Variants in CPB1 observed in about 807,000 individuals in gnomAD.
CPB1 encodes the protein carboxypeptidase B1, also known as carboxypeptidase B.
A neutral mutation model predicts 51.4 loss-of-function variants in CPB1; 53 were observed. The ratio of observed to expected loss-of-function variants is 1.03; its 90% CI spans 0.83 to 1.30. CPB1 has a LOEUF of 1.30. CPB1 is among the 50% of genes most tolerant of loss of function. The probability of loss-of-function intolerance (pLI) is 0.00; values close to 1 mark genes in which losing one functional copy is unlikely to be tolerated. For missense variants in CPB1, 494 were observed against 516.2 expected, an observed-to-expected ratio of 0.96 and a Z score of 0.42; for synonymous variants, 189 against 186.9, an observed-to-expected ratio of 1.01 and a Z score of -0.09.
At chr3:148,845,794 A>G (rs995767763) in intron 9 of CPB1, among the ~76,000 whole-genome samples, 168 bp downstream of exon 9, 2 of 152,186 alleles carry the variant, frequency 1.3e-5, no homozygotes, top group Non-Finnish European at 2.9e-5. Flanking sequence ...GGAGTTGGCT[A>G]AAAGAAATAC....
rs139634807 is a variant in CPB1, at chr3:148,832,520, G to A, written c.148-1978G>A. ...GGGAGCCCTGGTGAAGAAGTGGGGA[G>A]TGCTAAATAGAAGTAAAGGCAGCCA... On this transcript the variant is annotated intron_variant, in intron 2 of 10. Coordinates refer to ENST00000282957, the MANE Select transcript of CPB1 (RefSeq NM_001871.3). Among the ~76,000 whole-genome samples, 306 of 152,282 alleles carry A rather than the reference G, an allele frequency of 2.0e-3. 1 individual carries two copies. Among genetic ancestry groups the A allele is most frequent in the African/African-American group, 7.1e-3 (293 of 41,552 alleles).
At chr3:148,848,262 G>A (rs961119794) in intron 9 of CPB1, among the ~76,000 whole-genome samples, 1 of 152,056 alleles carries the variant, frequency 6.6e-6, no homozygotes, top group Non-Finnish European at 1.5e-5. Context: ...TTACAATGAG[G>A]ATTTCAAGGG....
Position 148,834,989 on chromosome 3 carries a change from G to C in CPB1, c.272+367G>C, listed in dbSNP as rs149467963. 4.8e-3 allele frequency among the ~76,000 whole-genome samples: 730 copies of C among 152,254 alleles called. 6 individuals carry two copies. The highest frequency in any genetic ancestry group is 0.017 in the African/African-American group (687 of 41,540). On this transcript the variant is annotated intron_variant, in intron 3 of 10. Coordinates refer to ENST00000282957, the MANE Select transcript of CPB1 (RefSeq NM_001871.3). ...ATCAGCTCTTCTTTCCAGGGGATCA[G>C]CGAGACCTATTGTGAGTTATGAGGG...
rs1712617027 is a variant in CPB1, at chr3:148,827,867, C to T, written c.44C>T (p.Ala15Val). Residue 15 changes from alanine to valine, a missense_variant, in exon 1 of 11, where the codon GCT becomes GTT. Ala to Val is a moderately conservative substitution (Grantham distance 64). Transcript: ENST00000282957. ...LVLVTVALAS[A>V]HHGGEHFEGE... ...CTGGTGACTGTGGCCCTGGCATCTG[C>T]TCATCATGGTGGTGAGCACTTTGAA... The T allele has an allele frequency of 1.9e-6, 3 of 1,614,158 alleles. No individual in the cohort carries two copies. The highest frequency in any genetic ancestry group is 2.5e-6 in the Non-Finnish European group (3 of 1,180,028).
At chr3:148,845,158 C>T (rs1022740447) in intron 8 of CPB1, among the ~76,000 whole-genome samples, 1 of 152,074 alleles carries the variant, frequency 6.6e-6, no homozygotes, top group South Asian at 2.1e-4. Flanking sequence ...TTTTCTTGCA[C>T]TATATTGATA....
chr3:148,834,378 C>T (rs1712829241), intron 2 of CPB1, 120 bp from the exon 3 acceptor site: 1 of 985,786 alleles, frequency 1.0e-6, no homozygotes, highest in Non-Finnish European at 1.6e-6. Flanking sequence ...ATATTTTCAA[C>T]AGATTTCATG....
At position 148,850,589 on chromosome 3, in the gene CPB1, T is replaced by A. The variant is rs116292447; in HGVS notation, c.981+4963T>A. On this transcript the variant is annotated intron_variant, in intron 9 of 10. Coordinates refer to ENST00000282957, the MANE Select transcript of CPB1 (RefSeq NM_001871.3). ...AGTGCTGGGAGCCACCGCGCCCGTC[T>A]TAATTGAAGTTTTAATTAAGGCATT... 6.9e-3 allele frequency among the ~76,000 whole-genome samples: 1,053 copies of A among 152,268 alleles called. 13 individuals are homozygous for A. Among genetic ancestry groups the A allele is most frequent in the African/African-American group, 0.024 (1,007 of 41,546 alleles).
rs1221344412 is a variant in CPB1, at chr3:148,828,036, A to T, written c.106A>T (p.Asn36Tyr). The change falls in exon 2 of 11, where the codon AAT becomes TAT. Residue 36 changes from asparagine to tyrosine, a missense_variant. Transcript: ENST00000282957. ...GTTCCGTGTTAACGTTGAAGATGAA[A>T]ATCACATTAACATAATCCGCGAGTT... is the stretch of plus-strand genomic sequence containing the variant. ...KVFRVNVEDENHINIIRELAS... is the reference protein window; with the variant it reads ...KVFRVNVEDEYHINIIRELAS... The T allele has an allele frequency of 6.2e-7, 1 of 1,614,014 alleles. No individual in the cohort carries two copies. The highest frequency in any genetic ancestry group is 1.7e-5 in the Admixed American group (1 of 59,986).
intron 6 of CPB1, among the ~76,000 whole-genome samples, chr3:148,842,895 C>T (rs188343033): frequency 6.6e-6 from 1 of 152,272 alleles, no homozygotes; most frequent in Non-Finnish European, 1.5e-5. Flanking sequence ...GACATATCAC[C>T]TTTGTGATAT....
At chr3:148,859,773 CTAGATT>C in intron 10 of CPB1, 36 bp from the exon 11 acceptor site, 1 of 1,534,392 alleles carries the variant, frequency 6.5e-7, no homozygotes, top group Non-Finnish European at 8.8e-7. Context: ...AAGCTCCTTC[CTAGATT>C]TAAAGTTTTT....
intron 10 of CPB1, among the ~76,000 whole-genome samples, chr3:148,859,295 T>A (rs1013637804): frequency 1.3e-5 from 2 of 152,230 alleles, no homozygotes; most frequent in African/African-American, 4.8e-5. Context: ...TATGTGTTAG[T>A]GACAACATGA....
chr3:148,859,843 G>C lies in CPB1; in HGVS notation c.1095G>C (p.Trp365Cys). The C allele has an allele frequency of 6.2e-7, 1 of 1,613,608 alleles. No individual in the cohort carries two copies. Among genetic ancestry groups the C allele is most frequent in the Non-Finnish European group, 8.5e-7 (1 of 1,179,794 alleles). The change falls in exon 11 of 11, where the codon TGG becomes TGC. Residue 365 changes from tryptophan to cysteine, a missense_variant. By Grantham distance (215) the Trp-to-Cys change is radical (BLOSUM62 -2). Transcript: ENST00000282957. ...CTGCTGCTGGGGGCTCTGACGACTG[G>C]GCTTATGACCAAGGAATCAGATATT... ...IYPAAGGSDDWAYDQGIRYSF... is the reference protein window; with the variant it reads ...IYPAAGGSDDCAYDQGIRYSF...
At chr3:148,840,474 A>G (rs142583098) in intron 3 of CPB1, among the ~76,000 whole-genome samples, 7 of 152,302 alleles carry the variant, frequency 4.6e-5, no homozygotes, top group African/African-American at 1.7e-4. Flanking sequence ...ATTCTCCAGT[A>G]TCCTTCTTAG....
intron 3 of CPB1, among the ~76,000 whole-genome samples, chr3:148,835,652 G>T (rs181339050): frequency 6.6e-6 from 1 of 152,134 alleles, no homozygotes; most frequent in Non-Finnish European, 1.5e-5. Flanking sequence ...CCTCCTCCAG[G>T]GGGTAGATTA....
intron 9 of CPB1, among the ~76,000 whole-genome samples, chr3:148,849,626 T>C (rs1159967057): frequency 3.9e-5 from 6 of 152,136 alleles, no homozygotes; most frequent in African/African-American, 1.4e-4. Context: ...GCCAGAAGAA[T>C]ATCCAGCCAA....
intron 2 of CPB1, among the ~76,000 whole-genome samples, chr3:148,833,481 C>G (rs565222815): frequency 3.3e-5 from 5 of 152,214 alleles, no homozygotes; most frequent in Non-Finnish European, 7.4e-5. Flanking sequence ...TGCCCAAACT[C>G]CCTTCCAAGT....
chr3:148,844,534 C>G lies in CPB1; in HGVS notation c.633C>G (p.Asp211Glu). Residue 211 changes from aspartate to glutamate, a missense_variant, in exon 7 of 11, where the codon GAC (aspartate) becomes GAG (glutamate). Asp to Glu is a conservative substitution (Grantham distance 45). Coordinates refer to ENST00000282957, the MANE Select transcript of CPB1 (RefSeq NM_001871.3). ...TGACAGAGCTTCTCGACAAGTTAGA[C>G]TTTTATGTCCTGCCTGTGCTCAATA... ...IQVTELLDKL[D>E]FYVLPVLNID... The G allele has an allele frequency of 6.2e-7, 1 of 1,613,954 alleles. No homozygotes were observed. The highest frequency in any genetic ancestry group is 1.1e-5 in the South Asian group (1 of 91,076).
At chr3:148,856,554 G>A (rs1446434679) in intron 9 of CPB1, 2 of 152,344 alleles carry the variant, frequency 1.3e-5, no homozygotes, top group East Asian at 3.9e-4. Flanking sequence ...TAACCGGAAT[G>A]AATTATGGCT....
At chr3:148,852,590 G>C (rs952267520) in intron 9 of CPB1, among the ~76,000 whole-genome samples, 2 of 152,158 alleles carry the variant, frequency 1.3e-5, no homozygotes, top group Non-Finnish European at 2.9e-5. Context: ...CAAATTACAA[G>C]TGCAAGAGAA....
Sources: gnomAD v4.1 joint callset for allele counts (sites outside exome capture counted in the v4.1 genomes callset) on GRCh38, gnomAD v4.1.1 for gene constraint, MANE v1.5 for transcripts, NCBI Gene and HGNC (gene_info 2026-07-23, HGNC 2026-07-21) for gene names.